The following RAB1A variants were observed in gnomAD, a reference collection of about 807,000 sequenced individuals.
RAB1A encodes the protein RAB1A, member RAS oncogene family.
In RAB1A, 2 loss-of-function variants were observed where a neutral mutation model predicts 26.0. That is an observed-to-expected ratio of 0.08 (90% CI 0.03 to 0.24). RAB1A has a LOEUF of 0.24. RAB1A is among the 10% of genes least tolerant of loss of function. The pLI, the probability that RAB1A is intolerant of heterozygous loss-of-function variation, is 1.00. For missense variants in RAB1A, 100 were observed against 247.0 expected (o/e 0.40, Z 3.99); for synonymous variants, 84 against 84.9 (o/e 0.99, Z 0.06).
Position 65,118,050 on chromosome 2 carries a change from T to G in RAB1A, c.23+11843A>C, listed in dbSNP as rs181790320. On this transcript the variant is annotated intron_variant, in intron 1 of 5. Coordinates refer to ENST00000409784, the MANE Select transcript of RAB1A (RefSeq NM_004161.5). ...TTCCTTGTTTGTAAAACTAGGGCAT[T>G]TTCTTCATGGGATTATTGTGGCAGT... Among the ~76,000 whole-genome samples, 153 of 152,338 alleles carry G rather than the reference T, an allele frequency of 1.0e-3. 2 individuals are homozygous for G. Among genetic ancestry groups the G allele is most frequent in the Non-Finnish European group, 1.5e-3 (103 of 68,030 alleles).
chr2:65,118,853 T>A (rs1241302491), intron 1 of RAB1A, among the ~76,000 whole-genome samples: 2 of 152,202 alleles, frequency 1.3e-5, no homozygotes, highest in Non-Finnish European at 2.9e-5. Context: ...TATATGTATA[T>A]ACAACCACAA....
intron 3 of RAB1A, among the ~76,000 whole-genome samples, chr2:65,093,599 A>T (rs1669218249): frequency 1.3e-5 from 2 of 151,990 alleles, no homozygotes. Context: ...AAATGATAGG[A>T]TTAAAAGTAA....
chr2:65,129,362 T>A (rs1573098341), intron 1 of RAB1A, among the ~76,000 whole-genome samples: 1 of 152,118 alleles, frequency 6.6e-6, no homozygotes, highest in South Asian at 2.1e-4. Context: ...TCCCACGCAG[T>A]CCCGAAAAGC....
intron 3 of RAB1A, among the ~76,000 whole-genome samples, chr2:65,095,905 G>A (rs888462178): frequency 6.6e-5 from 10 of 152,086 alleles, no homozygotes; most frequent in African/African-American, 2.4e-4. Flanking sequence ...TGTAATCCCA[G>A]CACTTTGGGA....
At chr2:65,101,899 G>A (rs760290264) in intron 2 of RAB1A, among the ~76,000 whole-genome samples, 39 of 151,786 alleles carry the variant, frequency 2.6e-4, no homozygotes, top group South Asian at 2.1e-4. Flanking sequence ...ACAGGCATGC[G>A]CCACCACATC....
At chr2:65,115,525 A>G (rs1230917294) in intron 1 of RAB1A, among the ~76,000 whole-genome samples, 1 of 152,212 alleles carries the variant, frequency 6.6e-6, no homozygotes, top group African/African-American at 2.4e-5. Context: ...TAGTTAGTTC[A>G]TATGCTTCTG....
At chr2:65,101,741 CCTTTT>C (rs1669434716) in intron 2 of RAB1A, among the ~76,000 whole-genome samples, 1 of 129,958 alleles carries the variant, frequency 7.7e-6, no homozygotes, top group Admixed American at 7.6e-5. Flanking sequence ...TGTATTACTT[CCTTTT>C]TTTTTTTTTT....
At chr2:65,124,663 G>C (rs1244610259) in intron 1 of RAB1A, among the ~76,000 whole-genome samples, 1 of 152,034 alleles carries the variant, frequency 6.6e-6, no homozygotes, top group Non-Finnish European at 1.5e-5. Flanking sequence ...GGCCAGGCTG[G>C]TCTCAAACTC....
At chr2:65,094,850 C>G (rs982687149) in intron 3 of RAB1A, among the ~76,000 whole-genome samples, 6 of 151,966 alleles carry the variant, frequency 3.9e-5, no homozygotes, top group Admixed American at 6.6e-5. Context: ...CCAAATTGCA[C>G]AAGGTTCTGA....
intron 1 of RAB1A, among the ~76,000 whole-genome samples, chr2:65,112,554 G>C (rs1451532311): frequency 6.6e-6 from 1 of 152,172 alleles, no homozygotes; most frequent in Non-Finnish European, 1.5e-5. Flanking sequence ...TGAGGTACAA[G>C]TATTTCTATT....
At chr2:65,119,885 A>T (rs1406774681) in intron 1 of RAB1A, among the ~76,000 whole-genome samples, 1 of 150,782 alleles carries the variant, frequency 6.6e-6, no homozygotes, top group Non-Finnish European at 1.5e-5. Flanking sequence ...TTAAAAAATA[A>T]AAATAAAAAA....
At chr2:65,089,096 A>G (rs1268229191) in intron 4 of RAB1A, 26 bp from the exon 5 acceptor site, 1 of 1,578,932 alleles carries the variant, frequency 6.3e-7, no homozygotes, top group Non-Finnish European at 8.6e-7. Context: ...AAAGACTGAT[A>G]ATATAGTTCG....
At chr2:65,116,784 A>C (rs1573085837) in intron 1 of RAB1A, among the ~76,000 whole-genome samples, 2 of 152,256 alleles carry the variant, frequency 1.3e-5, no homozygotes, top group African/African-American at 4.8e-5. Flanking sequence ...AAGTACTATG[A>C]TCATACAAGT....
rs944707261 is a variant in RAB1A, at chr2:65,110,751, T to C, written c.24-5945A>G. ...AAGTTCAAGACCAGCCTGAGCAACA[T>C]AGCAAAACCCCCATCTCTAAAAATA... is the stretch of plus-strand genomic sequence containing the variant. On this transcript the variant is annotated intron_variant, in intron 1 of 5. Transcript: ENST00000409784. Among the ~76,000 whole-genome samples, 14 of 151,328 alleles carry C rather than the reference T, an allele frequency of 9.3e-5. No individual in the cohort carries two copies. The East Asian group carries it at 9.8e-4, about 11-fold the overall frequency.
rs1051992451 is a variant in RAB1A at position 65,105,019 on chromosome 2, C to G, written c.24-213G>C. 1.4e-5 allele frequency: 9 copies of G among 649,368 alleles called. No individual in the cohort carries two copies. In the African/African-American group the frequency reaches 1.6e-4, roughly 12 times the overall value. 40.2% of individuals were successfully genotyped at this position (649,368 alleles called of 1,614,324 possible). A position where few individuals can be genotyped will look rare whatever the true frequency, so the allele number is the denominator to read the frequency against. Reference sequence around the variant, plus strand: ...AAATTATGTAAAAAGTAGGCAATGCCACCTATGATCTCTAACATCAGTGAA... The same window carrying G: ...AAATTATGTAAAAAGTAGGCAATGCGACCTATGATCTCTAACATCAGTGAA... On this transcript the variant is annotated intron_variant, in intron 1 of 5. Coordinates refer to ENST00000409784, the MANE Select transcript of RAB1A (RefSeq NM_004161.5).
chr2:65,110,154 G>T (rs963725192), intron 1 of RAB1A, among the ~76,000 whole-genome samples: 2 of 152,146 alleles, frequency 1.3e-5, no homozygotes, highest in African/African-American at 4.8e-5. Flanking sequence ...AAAGGATACA[G>T]GAGCCGGTCG....
Position 65,104,716 on chromosome 2 carries a change from A to G in RAB1A, c.96+18T>C, listed in dbSNP as rs1203894739. 3 of 1,515,214 alleles carry G rather than the reference A, an allele frequency of 2.0e-6. No individual in the cohort carries two copies. Among genetic ancestry groups the G allele is most frequent in the African/African-American group, 1.4e-5 (1 of 72,322 alleles). The allele number at this position is 1,515,214 out of a possible 1,614,324, so 93.9% of individuals were successfully genotyped here. A position where few individuals can be genotyped will look rare whatever the true frequency, so the allele number is the denominator to read the frequency against. On this transcript the variant is annotated intron_variant, in intron 2 of 5. Coordinates refer to ENST00000409784, the MANE Select transcript of RAB1A (RefSeq NM_004161.5). Reference sequence around the variant, plus strand: ...TAATTGTACCATTAATTGTAAAGACATTTCAATTTCAACTTACTGCAAACC... The same window carrying G: ...TAATTGTACCATTAATTGTAAAGACGTTTCAATTTCAACTTACTGCAAACC...
intron 3 of RAB1A, among the ~76,000 whole-genome samples, chr2:65,091,930 C>T (rs1466203216): frequency 6.6e-6 from 1 of 152,236 alleles, no homozygotes; most frequent in Non-Finnish European, 1.5e-5. Flanking sequence ...CATTTAGGCT[C>T]AAACTCCCAA....
At chr2:65,095,783 G>A (rs188478718) in intron 3 of RAB1A, among the ~76,000 whole-genome samples, 8 of 150,590 alleles carry the variant, frequency 5.3e-5, no homozygotes, top group East Asian at 2.0e-4. Flanking sequence ...AGGCCAAGAC[G>A]GGTGGATCAC....
Sources: allele counts gnomAD v4.1 joint callset (sites outside exome capture counted in the v4.1 genomes callset), GRCh38; gene constraint gnomAD v4.1.1; transcripts MANE v1.5; gene names NCBI Gene and HGNC (gene_info 2026-07-23, HGNC 2026-07-21).